Variants in CACNA1C observed in about 807,000 individuals in gnomAD.
CACNA1C encodes the protein voltage-dependent L-type calcium channel subunit alpha-1C.
CACNA1C carries 30 observed loss-of-function variants against 229.0 expected under a neutral mutation model. The ratio of observed to expected loss-of-function variants is 0.13; its 90% CI spans 0.10 to 0.18. The LOEUF is 0.18. Among genes scored for constraint, CACNA1C ranks in the 10% least tolerant of loss-of-function variants. The pLI, the probability that CACNA1C is intolerant of heterozygous loss-of-function variation, is 1.00. For missense variants in CACNA1C, 1,658 were observed against 2,845.0 expected (o/e 0.58, Z 9.49); for synonymous variants, 1,114 against 1,132.5 (o/e 0.98, Z 0.33).
At chr12:2,453,178 C>A (rs1027812924) in intron 4 of CACNA1C, among the ~76,000 whole-genome samples, 11 of 152,152 alleles carry the variant, frequency 7.2e-5, no homozygotes, top group Non-Finnish European at 1.6e-4. Flanking sequence ...GAACGCCAGT[C>A]ACGCAGCCAG....
At chr12:2,154,520 G>C (rs922652014) in intron 3 of CACNA1C, among the ~76,000 whole-genome samples, 4 of 152,188 alleles carry the variant, frequency 2.6e-5, no homozygotes, top group South Asian at 4.1e-4. Context: ...CCAGCAGTGG[G>C]TCAGGGAAGA....
chr12:2,336,917 G>T (rs898561047), intron 3 of CACNA1C, among the ~76,000 whole-genome samples: 2 of 152,190 alleles, frequency 1.3e-5, no homozygotes, highest in Non-Finnish European at 2.9e-5. Flanking sequence ...GTAAGACACC[G>T]CAAGAAAAGG....
intron 3 of CACNA1C, among the ~76,000 whole-genome samples, chr12:2,356,198 A>G (rs740419): frequency 0.67 from 101,361 of 152,084 alleles, 34,421 homozygotes; most frequent in African/African-American, 0.81. Flanking sequence ...TAGACTGGGG[A>G]CTTAGGGATG....
chr12:2,513,010 T>C, intron 9 of CACNA1C, 26 bp downstream of exon 9: 1 of 1,567,488 alleles, frequency 6.4e-7, no homozygotes, highest in Non-Finnish European at 8.7e-7. Flanking sequence ...CTTCTGTGTT[T>C]GGGCTGGGTT....
In CACNA1C at chr12:2,694,449, C is replaced by T. The variant is rs1289153085; in HGVS notation, c.*3250C>T. ...GCAGTTTGGTCAACTTAATTCTTGT[C>T]CTCCGACCAGCCCTGCCTCTTTCAT... On this transcript the variant is annotated 3_prime_UTR_variant, in exon 47 of 47. Transcript: ENST00000399655. 6.6e-6 allele frequency: 1 copy of T among 152,254 alleles called. No individual in the cohort carries two copies. Among genetic ancestry groups the T allele is most frequent in the Non-Finnish European group, 1.5e-5 (1 of 68,052 alleles). 9.4% of individuals were successfully genotyped at this position (152,254 alleles called of 1,614,324 possible).
rs560591532 is a variant in CACNA1C at position 2,342,560 on chromosome 12, T to C, written c.478-106416T>C. Among the ~76,000 whole-genome samples, 4 of 152,352 alleles carry C rather than the reference T, an allele frequency of 2.6e-5. No homozygotes were observed. The South Asian group carries it at 8.3e-4, about 32-fold the overall frequency. ...CACACTGAGGTGCCCAGTGCATTTA[T>C]AAAAAGCAACTCTCAGGGTTCTTGA... On this transcript the variant is annotated intron_variant, in intron 3 of 46. Coordinates refer to ENST00000399655, the MANE Select transcript of CACNA1C (RefSeq NM_000719.7).
At chr12:2,505,802 C>T (rs2099770373) in intron 8 of CACNA1C, among the ~76,000 whole-genome samples, 1 of 152,168 alleles carries the variant, frequency 6.6e-6, no homozygotes, top group African/African-American at 2.4e-5. Flanking sequence ...CCTAAATGCT[C>T]CTGGTGACCT....
At chr12:2,661,813 G>T (rs1231547381) in intron 34 of CACNA1C, among the ~76,000 whole-genome samples, 1 of 152,204 alleles carries the variant, frequency 6.6e-6, no homozygotes, top group African/African-American at 2.4e-5. Flanking sequence ...AATTAATAAA[G>T]TGGAAGATTA....
At chr12:2,076,514 C>G (rs1031988527) in intron 1 of CACNA1C, among the ~76,000 whole-genome samples, 3 of 152,026 alleles carry the variant, frequency 2.0e-5, no homozygotes, top group South Asian at 2.1e-4. Flanking sequence ...CTACCTCCCC[C>G]CTCCCTTCCT....
At position 2,021,364 on chromosome 12, in the gene CACNA1C, C is replaced by T. The variant is rs187927627; in HGVS notation, c.139+50163C>T. On this transcript the variant is annotated intron_variant, in intron 1 of 46. Transcript: ENST00000682462. ...ATTTGGTGCTGCTATACCAGAAACC[C>T]GAGACTGGGTAATTTATAAAGACAC... is the stretch of plus-strand genomic sequence containing the variant. 4.3e-3 allele frequency among the ~76,000 whole-genome samples: 650 copies of T among 152,140 alleles called. 4 individuals are homozygous for T. The highest frequency in any genetic ancestry group is 7.3e-3 in the Non-Finnish European group (496 of 68,014).
At position 2,334,829 on chromosome 12, in the gene CACNA1C, A is replaced by C. The variant is rs567828405; in HGVS notation, c.478-114147A>C. Among the ~76,000 whole-genome samples the C allele has an allele frequency of 1.3e-5, 2 of 152,310 alleles. 1 individual carries two copies. Among genetic ancestry groups the C allele is most frequent in the South Asian group, 4.1e-4 (2 of 4,820 alleles). ...AGGCCTGCCACCATCAACTCTTGGCAATTTATTTCCCTCCTAAATTAGATA... is the reference window on the plus strand; with the variant it reads ...AGGCCTGCCACCATCAACTCTTGGCCATTTATTTCCCTCCTAAATTAGATA... On this transcript the variant is annotated intron_variant, in intron 3 of 46. Coordinates refer to ENST00000399655, the MANE Select transcript of CACNA1C (RefSeq NM_000719.7).
chr12:2,023,942 TC>T (rs1246302975), intron 1 of CACNA1C, among the ~76,000 whole-genome samples: 4 of 152,046 alleles, frequency 2.6e-5, no homozygotes, highest in African/African-American at 4.8e-5. Context: ...GCACCGGGAG[TC>T]AGGAAACCTG....
At chr12:2,623,661 C>T (rs1435541045) in intron 29 of CACNA1C, among the ~76,000 whole-genome samples, 1 of 152,190 alleles carries the variant, frequency 6.6e-6, no homozygotes, top group African/African-American at 2.4e-5. Context: ...GTGGCATCCA[C>T]ACTGACCTCC....
chr12:2,628,605 G>A (rs2088484612), intron 29 of CACNA1C, among the ~76,000 whole-genome samples: 1 of 152,126 alleles, frequency 6.6e-6, no homozygotes, highest in African/African-American at 2.4e-5. Flanking sequence ...GAGCAACGCT[G>A]GTAAATAATG....
chr12:2,340,752 T>C (rs2096837899), intron 3 of CACNA1C, among the ~76,000 whole-genome samples: 1 of 152,070 alleles, frequency 6.6e-6, no homozygotes, highest in Non-Finnish European at 1.5e-5. Context: ...GGTCAGGAGA[T>C]CGAGACCATC....
At chr12:2,044,258 C>G (rs2050695464) in intron 1 of CACNA1C, among the ~76,000 whole-genome samples, 1 of 152,162 alleles carries the variant, frequency 6.6e-6, no homozygotes, top group African/African-American at 2.4e-5. Context: ...CTGGGTCATA[C>G]GAATACATGA....
chr12:1,994,593 G>A (rs2040349469), intron 1 of CACNA1C, among the ~76,000 whole-genome samples: 1 of 152,128 alleles, frequency 6.6e-6, no homozygotes, highest in Admixed American at 6.5e-5. Flanking sequence ...CTCTGTTAGG[G>A]GTCTTCTGGA....
chr12:2,479,094 T>A lies in CACNA1C; in HGVS notation c.758-7010T>A, dbSNP rs184769897. Among the ~76,000 whole-genome samples, 625 of 152,246 alleles carry A rather than the reference T, an allele frequency of 4.1e-3. 7 individuals carry two copies. Among genetic ancestry groups the A allele is most frequent in the African/African-American group, 0.014 (600 of 41,530 alleles). On this transcript the variant is annotated intron_variant, in intron 5 of 46. Transcript: ENST00000399655. This position sits in a 1 kb window ranked among gnomAD's most constrained non-coding sequence, Gnocchi z 4.3. ...GTTTGATCTACATTTTCTTAGAATC[T>A]GCATCGCAAATCCAAGGATAGTGAG...
intron 3 of CACNA1C, among the ~76,000 whole-genome samples, chr12:2,182,377 T>A (rs920486896): frequency 6.6e-6 from 1 of 152,098 alleles, no homozygotes; most frequent in Non-Finnish European, 1.5e-5. Context: ...GAGGCCCCTC[T>A]CCCAATGCCT....
Sources: allele counts gnomAD v4.1 joint callset (sites outside exome capture counted in the v4.1 genomes callset), GRCh38; gene constraint gnomAD v4.1.1; non-coding constraint Gnocchi (gnomAD v3.1); transcripts MANE v1.5; gene names NCBI Gene and HGNC (gene_info 2026-07-23, HGNC 2026-07-21).